Variants in CDKAL1 observed in about 807,000 individuals in gnomAD.
The protein encoded by CDKAL1 is threonylcarbamoyladenosine tRNA methylthiotransferase.
CDKAL1 carries 32 observed loss-of-function variants against 68.2 expected under a neutral mutation model. The observed-to-expected ratio is 0.47, with a 90% CI of 0.35 to 0.63. The LOEUF is 0.63. CDKAL1 is among the 30% of genes least tolerant of loss of function. The pLI, the probability that CDKAL1 is intolerant of heterozygous loss-of-function variation, is 0.00. For synonymous variants in CDKAL1, 234 were observed against 244.3 expected (o/e 0.96, Z 0.39); for missense variants, 606 against 696.7 (o/e 0.87, Z 1.47).
At chr6:21,153,140 C>A (rs1776491445) in intron 13 of CDKAL1, among the ~76,000 whole-genome samples, 2 of 150,534 alleles carry the variant, frequency 1.3e-5, no homozygotes, top group Non-Finnish European at 3.0e-5. Context: ...CAATTATATT[C>A]TTAACCTGTT....
chr6:20,830,130 A>C lies in CDKAL1; in HGVS notation c.639-15945A>C, dbSNP rs191167953. Among the ~76,000 whole-genome samples the C allele has an allele frequency of 1.3e-3, 199 of 152,312 alleles. 1 individual carries two copies. The highest frequency in any genetic ancestry group is 4.6e-3 in the African/African-American group (193 of 41,574). ...CTCGGCCTCCCAAAGTGCTGGGATT[A>C]CAGGTGTGAGCCACCATGCCTGGCC... On this transcript the variant is annotated intron_variant, in intron 8 of 15. Coordinates refer to ENST00000274695, the MANE Select transcript of CDKAL1 (RefSeq NM_017774.3).
intron 12 of CDKAL1, among the ~76,000 whole-genome samples, chr6:21,093,778 C>T (rs540575599): frequency 1.1e-3 from 155 of 136,914 alleles, no homozygotes; most frequent in African/African-American, 3.8e-3. Flanking sequence ...TGCAGTGGCA[C>T]GATCATGGTC....
chr6:20,814,709 C>G (rs1000659861), intron 8 of CDKAL1, among the ~76,000 whole-genome samples: 1 of 152,204 alleles, frequency 6.6e-6, no homozygotes, highest in African/African-American at 2.4e-5. Context: ...ATTAGGAAAT[C>G]TTTTTCCTCT....
At chr6:20,863,865 G>A (rs1186703884) in intron 9 of CDKAL1, among the ~76,000 whole-genome samples, 3 of 152,118 alleles carry the variant, frequency 2.0e-5, no homozygotes, top group African/African-American at 7.2e-5. Context: ...TGAAAAATTT[G>A]ATTGTTTTTA....
At chr6:21,212,608 T>C (rs1779194656) in intron 15 of CDKAL1, among the ~76,000 whole-genome samples, 1 of 152,158 alleles carries the variant, frequency 6.6e-6, no homozygotes, top group African/African-American at 2.4e-5. Context: ...CCTAAAATAA[T>C]AGAACATTAT....
chr6:20,615,034 G>C (rs1766826117), intron 4 of CDKAL1, among the ~76,000 whole-genome samples: 1 of 136,488 alleles, frequency 7.3e-6, no homozygotes, highest in East Asian at 2.3e-4. Context: ...GCGGTGTTTG[G>C]TTTTTTGTTC....
intron 11 of CDKAL1, among the ~76,000 whole-genome samples, chr6:21,028,422 T>C (rs778397608): frequency 6.6e-6 from 1 of 152,190 alleles, no homozygotes; most frequent in Non-Finnish European, 1.5e-5. Context: ...TTTTAGAGGC[T>C]GCAAGTCCCA....
At chr6:20,622,196 T>C (rs1395797755) in intron 4 of CDKAL1, among the ~76,000 whole-genome samples, 1 of 152,130 alleles carries the variant, frequency 6.6e-6, no homozygotes, top group Non-Finnish European at 1.5e-5. Context: ...AGGTGGACTC[T>C]ATTCACTCTC....
chr6:20,573,971 A>T lies in CDKAL1; in HGVS notation c.286+25266A>T, dbSNP rs143777716. Among the ~76,000 whole-genome samples, 610 of 152,312 alleles carry T rather than the reference A, an allele frequency of 4.0e-3. 5 individuals are homozygous for T. The highest frequency in any genetic ancestry group is 0.013 in the African/African-American group (551 of 41,572). On this transcript the variant is annotated intron_variant, in intron 4 of 15. Coordinates refer to ENST00000274695, the MANE Select transcript of CDKAL1 (RefSeq NM_017774.3). Reference sequence around the variant, plus strand: ...GCATTTTGACTGTGGAAGGCAGTATAACTAGCTGGCTCATACTGGTTCAAA... The same window carrying T: ...GCATTTTGACTGTGGAAGGCAGTATTACTAGCTGGCTCATACTGGTTCAAA...
intron 15 of CDKAL1, among the ~76,000 whole-genome samples, chr6:21,223,733 G>C (rs1306400263): frequency 6.6e-6 from 1 of 152,102 alleles, no homozygotes. Flanking sequence ...TCATCTCTTG[G>C]GTGCCCTTTC....
intron 10 of CDKAL1, among the ~76,000 whole-genome samples, chr6:20,979,081 G>A (rs1765980487): frequency 6.6e-6 from 1 of 152,184 alleles, no homozygotes; most frequent in Non-Finnish European, 1.5e-5. Context: ...AAGTAAGAGT[G>A]TAATCTTCAA....
At chr6:21,209,072 A>G (rs932258773) in intron 15 of CDKAL1, among the ~76,000 whole-genome samples, 2 of 152,232 alleles carry the variant, frequency 1.3e-5, no homozygotes, top group Non-Finnish European at 2.9e-5. Context: ...TTGTGCCTTG[A>G]TAATAATAAT....
intron 5 of CDKAL1, among the ~76,000 whole-genome samples, chr6:20,686,498 C>T (rs1770631514): frequency 6.6e-6 from 1 of 152,156 alleles, no homozygotes; most frequent in South Asian, 2.1e-4. Context: ...CCAGATGGGA[C>T]CTTGTAGTTG....
chr6:20,609,520 C>G (rs539383438), intron 4 of CDKAL1, among the ~76,000 whole-genome samples: 1 of 151,490 alleles, frequency 6.6e-6, no homozygotes, highest in Non-Finnish European at 1.5e-5. Flanking sequence ...CTCAGCCTCC[C>G]GAGTAGCTAG....
intron 6 of CDKAL1, among the ~76,000 whole-genome samples, chr6:20,747,772 T>C (rs573150058): frequency 5.3e-5 from 8 of 152,230 alleles, no homozygotes; most frequent in Non-Finnish European, 2.9e-5. Flanking sequence ...TTTCTCCCAA[T>C]CCATAGGCTG....
At chr6:20,558,061 A>G (rs938190300) in intron 4 of CDKAL1, among the ~76,000 whole-genome samples, 8 of 152,242 alleles carry the variant, frequency 5.3e-5, no homozygotes, top group Admixed American at 2.0e-4. Flanking sequence ...ATTAAGTTCT[A>G]ATATTTTTCT....
intron 13 of CDKAL1, among the ~76,000 whole-genome samples, chr6:21,147,249 A>C (rs1005231967): frequency 6.6e-6 from 1 of 152,222 alleles, no homozygotes; most frequent in African/African-American, 2.4e-5. Flanking sequence ...TAGTATAAAG[A>C]ATGCTCAACC....
chr6:21,038,221 G>A lies in CDKAL1; in HGVS notation c.1056-26827G>A, dbSNP rs557790013. The stretch of plus-strand genomic sequence containing the variant: ...TCTTTAAGTAGAGGCCTGAACAGAG[G>A]AGAGTTTAGCTCTGTCAAATAGATT... On this transcript the variant is annotated intron_variant, in intron 11 of 15. Transcript: ENST00000274695. Among the ~76,000 whole-genome samples, 21 of 152,350 alleles carry A rather than the reference G, an allele frequency of 1.4e-4. No individual in the cohort carries two copies. The South Asian group carries it at 4.4e-3, about 32-fold the overall frequency.
intron 13 of CDKAL1, among the ~76,000 whole-genome samples, chr6:21,119,676 A>G (rs1274819943): frequency 6.6e-6 from 1 of 152,090 alleles, no homozygotes; most frequent in African/African-American, 2.4e-5. Context: ...CTTTATACTT[A>G]TATTTTCTTA....
Sources: gnomAD v4.1 joint callset for allele counts (sites outside exome capture counted in the v4.1 genomes callset) on GRCh38, gnomAD v4.1.1 for gene constraint, MANE v1.5 for transcripts, NCBI Gene and HGNC (gene_info 2026-07-23, HGNC 2026-07-21) for gene names.